The following FOXN3 variants were observed in gnomAD, a reference collection of about 807,000 sequenced individuals.
FOXN3 encodes forkhead box protein N3.
In FOXN3, 7 loss-of-function variants were observed where a neutral mutation model predicts 38.4. The observed-to-expected ratio is 0.18, with a 90% CI of 0.10 to 0.34. The LOEUF is 0.34. FOXN3 is among the 10% of genes least tolerant of loss of function. The pLI, the probability that FOXN3 is intolerant of heterozygous loss-of-function variation, is 1.00. For missense variants in FOXN3, 456 were observed against 613.4 expected, an observed-to-expected ratio of 0.74 and a Z score of 2.71; for synonymous variants, 230 against 242.2, an observed-to-expected ratio of 0.95 and a Z score of 0.47.
intron 1 of FOXN3, among the ~76,000 whole-genome samples, chr14:89,594,243 C>T (rs1896012648): frequency 1.3e-5 from 2 of 152,218 alleles, no homozygotes; most frequent in South Asian, 4.1e-4. Flanking sequence ...GAACTACTGA[C>T]TTACAGAATA....
chr14:89,504,438 C>G (rs1427941383), intron 1 of FOXN3, among the ~76,000 whole-genome samples: 1 of 152,184 alleles, frequency 6.6e-6, no homozygotes, highest in Non-Finnish European at 1.5e-5. Flanking sequence ...GCTGGGAGAA[C>G]AAAACAATAG....
At chr14:89,396,949 C>T (rs1196246781) in intron 2 of FOXN3, among the ~76,000 whole-genome samples, 2 of 150,434 alleles carry the variant, frequency 1.3e-5, no homozygotes, top group Admixed American at 6.6e-5. Context: ...GGAAAATCAG[C>T]GACTGCTGTG....
chr14:89,181,196 T>C (rs993931296), intron 4 of FOXN3, among the ~76,000 whole-genome samples: 16 of 151,808 alleles, frequency 1.1e-4, no homozygotes, highest in Non-Finnish European at 7.4e-5. Flanking sequence ...GATTAATGCC[T>C]AGGTTAAAAA....
intron 5 of FOXN3, 82 bp downstream of exon 5, chr14:89,180,619 T>C: frequency 1.0e-6 from 1 of 1,000,042 alleles, no homozygotes; most frequent in Non-Finnish European, 1.4e-6. Flanking sequence ...AGCTCCTCTC[T>C]GTCTCCAGAA....
upstream of FOXN3, chr14:89,417,548 C>T: frequency 6.9e-6 from 2 of 290,832 alleles, no homozygotes; most frequent in South Asian, 2.6e-5. Flanking sequence ...GCGGCGCGTG[C>T]CCTGTCCCCT....
intron 1 of FOXN3, among the ~76,000 whole-genome samples, chr14:89,528,138 T>C (rs1445661480): frequency 6.6e-6 from 1 of 152,188 alleles, no homozygotes; most frequent in East Asian, 1.9e-4. Flanking sequence ...ATATCTACTA[T>C]ATGACCTAGC....
At chr14:89,243,024 G>A (rs1194165607) in intron 4 of FOXN3, among the ~76,000 whole-genome samples, 1 of 152,096 alleles carries the variant, frequency 6.6e-6, no homozygotes, top group Non-Finnish European at 1.5e-5. Flanking sequence ...CCCCCTGATG[G>A]GAGACGGAAG....
chr14:89,306,656 C>T (rs906901596), intron 3 of FOXN3, among the ~76,000 whole-genome samples: 4 of 152,158 alleles, frequency 2.6e-5, no homozygotes, highest in African/African-American at 7.2e-5. Context: ...CGTGAGCCAC[C>T]GCGCCCGGCC....
chr14:89,268,495 A>C (rs1886050606), intron 4 of FOXN3, among the ~76,000 whole-genome samples: 1 of 152,252 alleles, frequency 6.6e-6, no homozygotes, highest in South Asian at 2.1e-4. Flanking sequence ...ACTGTACATA[A>C]GAAAAACCCA....
chr14:89,336,832 G>A (rs1186896616), intron 3 of FOXN3, among the ~76,000 whole-genome samples: 1 of 152,104 alleles, frequency 6.6e-6, no homozygotes, highest in African/African-American at 2.4e-5. Context: ...ATAGATTTTT[G>A]TTTTACTCTA....
intron 3 of FOXN3, among the ~76,000 whole-genome samples, chr14:89,297,288 C>T (rs1427832175): frequency 1.3e-5 from 2 of 151,986 alleles, no homozygotes; most frequent in East Asian, 1.9e-4. Context: ...AGGGGCCGGG[C>T]GCGGTGGCTC....
At chr14:89,401,747 C>A in intron 2 of FOXN3, 1 of 436,584 alleles carries the variant, frequency 2.3e-6, no homozygotes, top group Admixed American at 2.5e-5. Context: ...AATCACTTAT[C>A]GGTCCTGTCC....
At chr14:89,421,336 C>T (rs1891901864), upstream of FOXN3, among the ~76,000 whole-genome samples, 1 of 150,624 alleles carries the variant, frequency 6.6e-6, no homozygotes, top group South Asian at 2.1e-4. Flanking sequence ...TTTATAGAGA[C>T]GGGGTTTCTC....
At chr14:89,455,055 G>GTAA in intron 1 of FOXN3, among the ~76,000 whole-genome samples, 1 of 152,336 alleles carries the variant, frequency 6.6e-6, no homozygotes, top group East Asian at 1.9e-4. Context: ...AGCGGCCAGT[G>GTAA]TAATGGACAC....
At chr14:89,565,801 C>A (rs935691162) in intron 1 of FOXN3, among the ~76,000 whole-genome samples, 1 of 152,192 alleles carries the variant, frequency 6.6e-6, no homozygotes, top group African/African-American at 2.4e-5. Flanking sequence ...TCCATCTTCA[C>A]GTCAGATCTG....
intron 1 of FOXN3, among the ~76,000 whole-genome samples, chr14:89,447,203 G>GAAA (rs11384819): frequency 7.3e-6 from 1 of 136,318 alleles, no homozygotes; most frequent in African/African-American, 2.6e-5. Flanking sequence ...TCACAAAAAG[G>GAAA]AAAAAAAAAA....
chr14:89,504,555 C>T lies in FOXN3; in HGVS notation c.-14-92065G>A, dbSNP rs1893870424. Reference sequence around the variant, plus strand: ...TTCCCAGGGGCATTAGAGAAGGCCACAGTAAGGCCCAGAACCACAGCCCTG... The same window carrying T: ...TTCCCAGGGGCATTAGAGAAGGCCATAGTAAGGCCCAGAACCACAGCCCTG... On this transcript the variant is annotated intron_variant, in intron 1 of 6. Transcript: ENST00000345097. Among the ~76,000 whole-genome samples, 3 of 152,294 alleles carry T rather than the reference C, an allele frequency of 2.0e-5. No individual in the cohort carries two copies. The South Asian group carries it at 6.2e-4, about 32-fold the overall frequency.
chr14:89,328,732 T>C (rs928793372), intron 3 of FOXN3, among the ~76,000 whole-genome samples: 6 of 152,224 alleles, frequency 3.9e-5, no homozygotes, highest in African/African-American at 1.4e-4. Context: ...GGATGGCCCT[T>C]AGGAATCCAT....
intron 1 of FOXN3, among the ~76,000 whole-genome samples, chr14:89,453,895 G>GC (rs1324958213): frequency 6.6e-6 from 1 of 152,198 alleles, no homozygotes; most frequent in Non-Finnish European, 1.5e-5. Context: ...AGATGTTGAA[G>GC]CCCTAATCCC....
Sources: allele counts gnomAD v4.1 joint callset (sites outside exome capture counted in the v4.1 genomes callset), GRCh38; gene constraint gnomAD v4.1.1; transcripts MANE v1.5; gene names NCBI Gene and HGNC (gene_info 2026-07-23, HGNC 2026-07-21).